Variants in TTLL11 observed in about 807,000 individuals in gnomAD.
TTLL11 encodes tubulin tyrosine ligase like 11.
TTLL11 carries 42 observed loss-of-function variants against 51.7 expected under a neutral mutation model. The observed-to-expected ratio is 0.81, with a 90% CI of 0.64 to 1.05. TTLL11 has a LOEUF of 1.05. TTLL11 is among the 50% of genes least tolerant of loss of function. The pLI is 0.00. For missense variants in TTLL11, 799 were observed against 940.4 expected, an observed-to-expected ratio of 0.85 and a Z score of 1.97; for synonymous variants, 381 against 383.5, an observed-to-expected ratio of 0.99 and a Z score of 0.08.
chr9:121,870,660 C>T lies in TTLL11; in HGVS notation c.1570G>A (p.Glu524Lys), dbSNP rs566391719. The T allele has an allele frequency of 7.2e-5, 112 of 1,551,736 alleles. No individual in the cohort carries two copies. In the East Asian group the frequency reaches 2.5e-3, roughly 34 times the overall value. ...AGGCAAATGGAAGGCAGGTGGGCTT[C>T]GGGGTTGGCGTTGCAGTCTGGAGCA... is the stretch of plus-strand genomic sequence containing the variant. The part of the protein sequence containing the change: ...TSAPDCNANP[E>K]AHLPSICLKQ... Residue 524 changes from glutamate to lysine, a missense_variant, in exon 7 of 9, where the codon GAA (glutamate) becomes AAA (lysine). Transcript: ENST00000321582.
chr9:121,843,748 C>G (rs1837430156), intron 8 of TTLL11, among the ~76,000 whole-genome samples: 1 of 152,176 alleles, frequency 6.6e-6, no homozygotes, highest in Admixed American at 6.5e-5. Context: ...CCACAGCTCA[C>G]TGCAGCCTTG....
chr9:122,088,557 G>A lies in TTLL11; in HGVS notation c.462+4130C>T, dbSNP rs115959794. 4.4e-3 allele frequency among the ~76,000 whole-genome samples: 663 copies of A among 152,272 alleles called. 3 individuals carry two copies. The highest frequency in any genetic ancestry group is 0.015 in the African/African-American group (620 of 41,528). On this transcript the variant is annotated intron_variant, in intron 1 of 8. Transcript: ENST00000321582. Reference sequence around the variant, plus strand: ...ATTTCCATGTTCTCATATGTAGAACGGACACAATAAGGCATTTACTTTACT... The same window carrying A: ...ATTTCCATGTTCTCATATGTAGAACAGACACAATAAGGCATTTACTTTACT...
At chr9:122,021,315 G>C (rs1418294276) in intron 3 of TTLL11, among the ~76,000 whole-genome samples, 1 of 152,132 alleles carries the variant, frequency 6.6e-6, no homozygotes, top group African/African-American at 2.4e-5. Context: ...GTGAGTCAGG[G>C]AAGACTGAGA....
At chr9:121,891,531 G>A (rs1839231345) in intron 6 of TTLL11, among the ~76,000 whole-genome samples, 1 of 152,178 alleles carries the variant, frequency 6.6e-6, no homozygotes, top group African/African-American at 2.4e-5. Context: ...GCCGGTAAGT[G>A]TTGGCCCCAG....
chr9:121,985,513 CTTTT>C (rs71371908), intron 4 of TTLL11, among the ~76,000 whole-genome samples: 1 of 97,270 alleles, frequency 1.0e-5, no homozygotes, highest in African/African-American at 4.5e-5. Context: ...ATTTTCTTTT[CTTTT>C]TTTTTTTTTT....
At chr9:122,015,521 T>C (rs1843935295) in intron 3 of TTLL11, among the ~76,000 whole-genome samples, 1 of 152,098 alleles carries the variant, frequency 6.6e-6, no homozygotes, top group Admixed American at 6.5e-5. Context: ...GGCCACTGCA[T>C]CGGCCTCCAG....
intron 3 of TTLL11, among the ~76,000 whole-genome samples, chr9:122,012,394 C>T (rs1321155793): frequency 6.6e-6 from 1 of 151,776 alleles, no homozygotes; most frequent in Non-Finnish European, 1.5e-5. Flanking sequence ...AAAATGTTTA[C>T]TTCTCCTACT....
intron 6 of TTLL11, among the ~76,000 whole-genome samples, chr9:121,917,157 T>C (rs1206341186): frequency 2.6e-5 from 4 of 152,172 alleles, no homozygotes; most frequent in Non-Finnish European, 4.4e-5. Context: ...TGATGTTATG[T>C]ATATTTTACC....
chr9:122,022,629 C>T (rs534744214), intron 3 of TTLL11, among the ~76,000 whole-genome samples: 1 of 151,892 alleles, frequency 6.6e-6, no homozygotes, highest in Non-Finnish European at 1.5e-5. Context: ...GCATGAAATG[C>T]TACAGAAAGT....
rs1289963085 is a variant in TTLL11, at chr9:121,819,638, G to A, written c.*2949C>T. On this transcript the variant is annotated 3_prime_UTR_variant, in exon 9 of 9. Transcript: ENST00000321582. ...GGCAAGAGAGCGGGAGGGAGAAGAC[G>A]CTGGAGATGGATCCTGAGGGCGCTT... Among the ~76,000 whole-genome samples, 2 of 152,148 alleles carry A rather than the reference G, an allele frequency of 1.3e-5. No homozygotes were observed. The highest frequency in any genetic ancestry group is 2.4e-5 in the African/African-American group (1 of 41,430).
intron 3 of TTLL11, among the ~76,000 whole-genome samples, chr9:122,030,208 G>GGA (rs1318813197): frequency 6.9e-6 from 1 of 144,914 alleles, no homozygotes; most frequent in Non-Finnish European, 1.5e-5. Flanking sequence ...ACATTGGGGG[G>GGA]GGGGGGGTAA....
chr9:121,862,924 G>GCC (rs1838058228), intron 7 of TTLL11, among the ~76,000 whole-genome samples: 1 of 152,256 alleles, frequency 6.6e-6, no homozygotes, highest in East Asian at 1.9e-4. Flanking sequence ...GGCATCAGAG[G>GCC]CCCCTCTCCA....
chr9:122,014,706 T>C (rs1843913378), intron 3 of TTLL11, among the ~76,000 whole-genome samples: 1 of 152,224 alleles, frequency 6.6e-6, no homozygotes, highest in Admixed American at 6.5e-5. Context: ...ATGTGGGTCT[T>C]AGTCCCAGCT....
At chr9:122,065,867 C>T (rs1485448692) in intron 1 of TTLL11, among the ~76,000 whole-genome samples, 2 of 152,092 alleles carry the variant, frequency 1.3e-5, no homozygotes, top group African/African-American at 4.8e-5. Flanking sequence ...AGGGACTGTA[C>T]TAATATGTAA....
At chr9:121,868,582 C>T (rs1000894461) in intron 7 of TTLL11, among the ~76,000 whole-genome samples, 7 of 152,076 alleles carry the variant, frequency 4.6e-5, no homozygotes, top group African/African-American at 1.2e-4. Flanking sequence ...CATAAGACAA[C>T]CCTGAAGTGG....
chr9:122,050,785 C>T (rs1355266266), intron 1 of TTLL11, among the ~76,000 whole-genome samples: 1 of 152,202 alleles, frequency 6.6e-6, no homozygotes, highest in African/African-American at 2.4e-5. Context: ...GAGACGCCCA[C>T]ATGGTAAGCA....
At chr9:121,860,511 C>G in intron 7 of TTLL11, 68 bp from the exon 8 acceptor site, 1 of 1,261,720 alleles carries the variant, frequency 7.9e-7, no homozygotes, top group Non-Finnish European at 1.1e-6. Context: ...CTCCTCCACT[C>G]CTGTTAGGGA....
intron 1 of TTLL11, among the ~76,000 whole-genome samples, chr9:122,048,040 G>C (rs994034926): frequency 4.6e-5 from 7 of 152,026 alleles, no homozygotes; most frequent in Non-Finnish European, 7.4e-5. Flanking sequence ...AATCCCCACT[G>C]CCTCTGCCTT....
At chr9:122,076,224 C>T (rs1845854152) in intron 1 of TTLL11, among the ~76,000 whole-genome samples, 2 of 152,218 alleles carry the variant, frequency 1.3e-5, no homozygotes, top group Non-Finnish European at 2.9e-5. Flanking sequence ...CTCCACTCTT[C>T]AAGCCGTCTG....
Sources: allele counts gnomAD v4.1 joint callset (sites outside exome capture counted in the v4.1 genomes callset), GRCh38; gene constraint gnomAD v4.1.1; transcripts MANE v1.5; gene names NCBI Gene and HGNC (gene_info 2026-07-23, HGNC 2026-07-21).